SORCS1: variants seen among roughly 807,000 people sequenced by gnomAD.
SORCS1 encodes the protein sortilin related VPS10 domain containing receptor 1.
In SORCS1, 60 loss-of-function variants were observed where a neutral mutation model predicts 146.1. The observed-to-expected ratio is 0.41, with a 90% CI of 0.33 to 0.51. The LOEUF (loss-of-function observed/expected upper bound fraction) is 0.51. Among genes scored for constraint, SORCS1 ranks in the 20% least tolerant of loss-of-function variants. The probability of loss-of-function intolerance (pLI) is 0.21; values close to 1 mark genes in which losing one functional copy is unlikely to be tolerated. For missense variants in SORCS1, 1,352 were observed against 1,487.6 expected (o/e 0.91, Z 1.50); for synonymous variants, 637 against 584.0 (o/e 1.09, Z -1.31).
In SORCS1 at chr10:107,164,168, C is replaced by G. The variant is rs370680841; in HGVS notation, c.359G>C (p.Arg120Pro). Residue 120 changes from arginine to proline, a missense_variant, in exon 1 of 26, where the codon CGG (arginine) becomes CCG (proline). By Grantham distance (103) the Arg-to-Pro change is moderately radical (BLOSUM62 -2). This residue lies in a region of SORCS1 where 490 missense variants were observed against 489.1 expected (regional missense o/e 1.00). Transcript: ENST00000263054. The surrounding 1 kb of genome is among the most constrained non-coding windows in gnomAD (Gnocchi z 6.8). The stretch of plus-strand genomic sequence containing the variant: ...GGGGCTCCGACTCGCGCCCTCTCCC[C>G]GTTCTGCCTTCTCCTGATCCGCTCC... ...RSGADQEKAE[R>P]GEGASRSPRG... 21 of 1,612,718 alleles carry G rather than the reference C, an allele frequency of 1.3e-5. No individual in the cohort carries two copies. Among genetic ancestry groups the G allele is most frequent in the Non-Finnish European group, 1.7e-5 (20 of 1,180,008 alleles).
intron 1 of SORCS1, among the ~76,000 whole-genome samples, chr10:107,021,238 C>T (rs1425756960): frequency 1.3e-5 from 2 of 152,036 alleles, no homozygotes; most frequent in African/African-American, 2.4e-5. Flanking sequence ...TTTGGCCAGG[C>T]GTGGTGGCTC....
chr10:106,990,199 C>T (rs137921611), intron 1 of SORCS1, among the ~76,000 whole-genome samples: 152 of 152,268 alleles, frequency 1.0e-3, no homozygotes, highest in African/African-American at 3.5e-3. Flanking sequence ...TCCAGTCAAG[C>T]TCTGACTAAA....
intron 1 of SORCS1, among the ~76,000 whole-genome samples, chr10:107,088,417 G>A (rs771416470): frequency 2.0e-5 from 3 of 152,162 alleles, no homozygotes; most frequent in Non-Finnish European, 4.4e-5. Flanking sequence ...GCAGGCCCTG[G>A]GGGGGACGGT....
At chr10:106,593,053 CA>C (rs1434923539) in intron 24 of SORCS1, among the ~76,000 whole-genome samples, 1 of 150,196 alleles carries the variant, frequency 6.7e-6, no homozygotes, top group Non-Finnish European at 1.5e-5. Context: ...GGCTTGAGCC[CA>C]GGGGGCAGAG....
At chr10:107,171,470 G>T in the SORCS1 span, among the ~76,000 whole-genome samples, 1 of 148,352 alleles carries the variant, frequency 6.7e-6, no homozygotes, top group Non-Finnish European at 1.5e-5. Context: ...ATTATTCTTT[G>T]CAGCTTGAGA....
chr10:106,722,049 G>GT (rs1432612946), intron 6 of SORCS1, among the ~76,000 whole-genome samples: 1 of 150,992 alleles, frequency 6.6e-6, no homozygotes, highest in Non-Finnish European at 1.5e-5. Context: ...GTAAGTATAC[G>GT]TGTCTATACA....
At chr10:106,779,545 ATATTT>A (rs1860730841) in intron 3 of SORCS1, among the ~76,000 whole-genome samples, 2 of 116,732 alleles carry the variant, frequency 1.7e-5, no homozygotes, top group Non-Finnish European at 3.7e-5. Flanking sequence ...ATTATGGCCC[ATATTT>A]TTTTTTTTTT....
chr10:106,974,355 G>T (rs1398869990), intron 1 of SORCS1, among the ~76,000 whole-genome samples: 1 of 152,190 alleles, frequency 6.6e-6, no homozygotes, highest in Non-Finnish European at 1.5e-5. Flanking sequence ...ACTGTATCCA[G>T]GCCTATTTAG....
chr10:107,032,612 G>A (rs1189475632), intron 1 of SORCS1, among the ~76,000 whole-genome samples: 1 of 152,110 alleles, frequency 6.6e-6, no homozygotes, highest in Non-Finnish European at 1.5e-5. Context: ...AAATAAGCCT[G>A]CTGAGAACCT....
chr10:106,892,471 G>T (rs925707827), intron 2 of SORCS1, among the ~76,000 whole-genome samples: 1 of 152,164 alleles, frequency 6.6e-6, no homozygotes, highest in African/African-American at 2.4e-5. Flanking sequence ...ACTCTTCTGG[G>T]TAGGCACTTA....
intron 2 of SORCS1, among the ~76,000 whole-genome samples, chr10:106,935,547 C>A (rs1953671768): frequency 6.6e-6 from 1 of 152,114 alleles, no homozygotes; most frequent in African/African-American, 2.4e-5. Flanking sequence ...AATGTTTTAT[C>A]ATTAGCATTC....
chr10:106,653,137 C>T (rs566204495), intron 17 of SORCS1, among the ~76,000 whole-genome samples: 1 of 152,238 alleles, frequency 6.6e-6, no homozygotes, highest in Admixed American at 6.5e-5. Flanking sequence ...ATTAAAGAGA[C>T]TTCAGTTTTT....
chr10:107,070,882 G>T lies in SORCS1; in HGVS notation c.558+93087C>A, dbSNP rs1962360888. ...CCTGTGAAGAGCTATGCTATATAAA[G>T]AGATTTGTAATTATTGTAATAGAAG... On this transcript the variant is annotated intron_variant, in intron 1 of 25. Transcript: ENST00000263054. Among the ~76,000 whole-genome samples, 3 of 151,816 alleles carry T rather than the reference G, an allele frequency of 2.0e-5. No homozygotes were observed. The South Asian group carries it at 6.2e-4, about 31-fold the overall frequency.
intron 8 of SORCS1, among the ~76,000 whole-genome samples, chr10:106,704,875 C>T (rs1923325): frequency 0.8 from 122,203 of 152,090 alleles, 51,520 homozygotes; most frequent in Non-Finnish European, 0.94. Flanking sequence ...ATTTATTAGT[C>T]AATCAAAGAA....
chr10:107,090,191 C>T (rs373107369), intron 1 of SORCS1, among the ~76,000 whole-genome samples: 7 of 152,190 alleles, frequency 4.6e-5, no homozygotes, highest in African/African-American at 7.2e-5. Context: ...AGGAACACTG[C>T]GAGCACTTTC....
At chr10:106,838,802 C>G (rs961638567) in intron 2 of SORCS1, among the ~76,000 whole-genome samples, 1 of 152,310 alleles carries the variant, frequency 6.6e-6, no homozygotes, top group African/African-American at 2.4e-5. Flanking sequence ...GTGCTCACTT[C>G]ATGTCTCTGT....
chr10:106,973,981 T>C (rs935009591), intron 1 of SORCS1, among the ~76,000 whole-genome samples: 1 of 152,152 alleles, frequency 6.6e-6, no homozygotes, highest in African/African-American at 2.4e-5. Flanking sequence ...AACAGGAATT[T>C]GTTTGGATCT....
At chr10:106,901,808 C>T (rs551576400) in intron 2 of SORCS1, among the ~76,000 whole-genome samples, 1 of 152,178 alleles carries the variant, frequency 6.6e-6, no homozygotes, top group Admixed American at 6.5e-5. Context: ...CTTTGGGAGG[C>T]CGAGGTGGGT....
chr10:106,723,829 C>T (rs1855952579), intron 6 of SORCS1, among the ~76,000 whole-genome samples: 2 of 152,088 alleles, frequency 1.3e-5, no homozygotes, highest in South Asian at 4.1e-4. Flanking sequence ...TGGACCCCAT[C>T]AGCAATCTGA....
Sources: allele counts gnomAD v4.1 joint callset (sites outside exome capture counted in the v4.1 genomes callset), GRCh38; gene constraint gnomAD v4.1.1; regional missense constraint gnomAD v4.1.1; non-coding constraint Gnocchi (gnomAD v3.1); transcripts MANE v1.5; gene names NCBI Gene and HGNC (gene_info 2026-07-23, HGNC 2026-07-21).